The following FOXN3 variants were observed in gnomAD, a reference collection of about 807,000 sequenced individuals.
FOXN3 encodes forkhead box protein N3.
FOXN3 carries 7 observed loss-of-function variants against 38.4 expected under a neutral mutation model. That is an observed-to-expected ratio of 0.18 (90% CI 0.10 to 0.34). FOXN3 has a LOEUF of 0.34. Among genes scored for constraint, FOXN3 ranks in the 10% least tolerant of loss-of-function variants. The probability of loss-of-function intolerance (pLI) is 1.00; values close to 1 mark genes in which losing one functional copy is unlikely to be tolerated. For missense variants in FOXN3, 456 were observed against 613.4 expected, an observed-to-expected ratio of 0.74 and a Z score of 2.71; for synonymous variants, 230 against 242.2, an observed-to-expected ratio of 0.95 and a Z score of 0.47.
At chr14:89,498,210 CTTTTTTTTT>C (rs547081117) in intron 1 of FOXN3, among the ~76,000 whole-genome samples, 3 of 81,060 alleles carry the variant, frequency 3.7e-5, no homozygotes, top group Admixed American at 1.6e-4. Context: ...CTCTCTCTCT[CTTTTTTTTT>C]TTTTTTTTTT....
chr14:89,580,575 C>A (rs1436339128), intron 1 of FOXN3, among the ~76,000 whole-genome samples: 1 of 152,176 alleles, frequency 6.6e-6, no homozygotes. Flanking sequence ...GGTCCCCCAC[C>A]TCTGCCCAAC....
At chr14:89,216,183 G>A (rs896562039) in intron 4 of FOXN3, among the ~76,000 whole-genome samples, 5 of 152,158 alleles carry the variant, frequency 3.3e-5, no homozygotes, top group African/African-American at 1.2e-4. Context: ...ACAGGTGTAG[G>A]GTAGGGGCTG....
At chr14:89,257,215 C>T (rs1243853787) in intron 4 of FOXN3, among the ~76,000 whole-genome samples, 1 of 152,196 alleles carries the variant, frequency 6.6e-6, no homozygotes, top group African/African-American at 2.4e-5. Flanking sequence ...AGTCCCACCA[C>T]CTTCCATGAG....
intron 1 of FOXN3, among the ~76,000 whole-genome samples, chr14:89,607,423 G>A (rs1182552421): frequency 1.3e-5 from 2 of 152,132 alleles, no homozygotes; most frequent in African/African-American, 4.8e-5. Flanking sequence ...GCCGGGCATG[G>A]TGGTACATGC....
intron 1 of FOXN3, among the ~76,000 whole-genome samples, chr14:89,497,404 C>CT (rs71107518): frequency 9.2e-5 from 8 of 86,854 alleles, no homozygotes; most frequent in South Asian, 7.7e-4. Context: ...GTATAAATAT[C>CT]TTTTTTTTTT....
chr14:89,447,898 A>C (rs547537533), intron 1 of FOXN3, among the ~76,000 whole-genome samples: 1 of 133,282 alleles, frequency 7.5e-6, no homozygotes, highest in Non-Finnish European at 1.5e-5. Flanking sequence ...GCTCACTGCA[A>C]CCTCCGCCTC....
intron 4 of FOXN3, among the ~76,000 whole-genome samples, chr14:89,277,205 TAAAG>T (rs1185733796): frequency 6.6e-6 from 1 of 152,138 alleles, no homozygotes. Flanking sequence ...ACGAATAAAA[TAAAG>T]AACACGTTTC....
Position 89,265,118 on chromosome 14 carries a change from A to G in FOXN3, c.745+15832T>C, listed in dbSNP as rs551167995. On this transcript the variant is annotated intron_variant, in intron 4 of 5. Coordinates refer to ENST00000557258, the MANE Select transcript of FOXN3 (RefSeq NM_005197.4). Reference sequence around the variant, plus strand: ...CTTCATGATCTTATTTAGAAATTGTATTATGAAAGCTCCTGTAGCTCCTGT... The same window carrying G: ...CTTCATGATCTTATTTAGAAATTGTGTTATGAAAGCTCCTGTAGCTCCTGT... Among the ~76,000 whole-genome samples, 24 of 152,332 alleles carry G rather than the reference A, an allele frequency of 1.6e-4. No homozygotes were observed. In the South Asian group the frequency reaches 1.9e-3, roughly 12 times the overall value.
rs750647040 is a variant in FOXN3, at chr14:89,162,756, G to A, written c.1065C>T (p.Ser355=). Residue 355 remains serine, a synonymous_variant, in exon 6 of 6, where the codon AGC becomes AGT. Coordinates refer to ENST00000557258, the MANE Select transcript of FOXN3 (RefSeq NM_005197.4). The surrounding 1 kb of genome is among the most constrained non-coding windows in gnomAD (Gnocchi z 7.2). ...EFATKGSQEG[S]EGSEGSFRSH... Reference sequence around the variant, plus strand: ...TCCGGAAGCTCCCCTCGCTGCCCTCGCTGCCCTCCTGGCTCCCCTTGGTGG... The same window carrying A: ...TCCGGAAGCTCCCCTCGCTGCCCTCACTGCCCTCCTGGCTCCCCTTGGTGG... The A allele has an allele frequency of 8.7e-6, 14 of 1,612,086 alleles. No individual in the cohort carries two copies. The highest frequency in any genetic ancestry group is 1.7e-4 in the Middle Eastern group (1 of 6,056).
intron 3 of FOXN3, among the ~76,000 whole-genome samples, chr14:89,325,115 C>A (rs540460926): frequency 2.6e-5 from 4 of 152,274 alleles, no homozygotes; most frequent in South Asian, 2.1e-4. Context: ...GACTACACAG[C>A]GGACAGCATA....
intron 1 of FOXN3, among the ~76,000 whole-genome samples, chr14:89,470,346 G>T (rs1596287339): frequency 6.7e-6 from 1 of 149,076 alleles, no homozygotes; most frequent in Non-Finnish European, 1.5e-5. Context: ...TTATCTCACT[G>T]CCACCACCAT....
chr14:89,532,788 T>A (rs1894596571), intron 1 of FOXN3, among the ~76,000 whole-genome samples: 1 of 152,126 alleles, frequency 6.6e-6, no homozygotes, highest in African/African-American at 2.4e-5. Context: ...TTACATAGAT[T>A]TAAAAACAAA....
At chr14:89,235,595 T>C (rs1884954977) in intron 4 of FOXN3, among the ~76,000 whole-genome samples, 1 of 152,188 alleles carries the variant, frequency 6.6e-6, no homozygotes, top group South Asian at 2.1e-4. Flanking sequence ...TGTGACTATG[T>C]TAGATTTCAT....
intron 3 of FOXN3, among the ~76,000 whole-genome samples, chr14:89,285,245 G>C (rs1335796960): frequency 6.6e-6 from 1 of 152,214 alleles, no homozygotes; most frequent in South Asian, 2.1e-4. Context: ...AGTGGGCCAG[G>C]CATCGTGGCT....
At chr14:89,514,601 G>C (rs1335133883) in intron 1 of FOXN3, among the ~76,000 whole-genome samples, 1 of 152,224 alleles carries the variant, frequency 6.6e-6, no homozygotes, top group African/African-American at 2.4e-5. Flanking sequence ...TCAAGGTCAT[G>C]CACATTATTA....
At chr14:89,175,720 A>G (rs1375065084) in intron 5 of FOXN3, among the ~76,000 whole-genome samples, 1 of 152,176 alleles carries the variant, frequency 6.6e-6, no homozygotes, top group Non-Finnish European at 1.5e-5. Context: ...GTTGCTACAG[A>G]ACAGGCCTTC....
At chr14:89,543,910 G>C (rs941043537) in intron 1 of FOXN3, among the ~76,000 whole-genome samples, 1 of 151,846 alleles carries the variant, frequency 6.6e-6, no homozygotes, top group African/African-American at 2.4e-5. Context: ...CAATGGGGGT[G>C]GGGGGGAAGT....
chr14:89,314,151 T>TA (rs1887656671), intron 3 of FOXN3, among the ~76,000 whole-genome samples: 1 of 152,236 alleles, frequency 6.6e-6, no homozygotes, highest in South Asian at 2.1e-4. Flanking sequence ...AAGAAAATTT[T>TA]AAAAATTTTT....
intron 3 of FOXN3, among the ~76,000 whole-genome samples, chr14:89,332,285 T>A (rs1332655331): frequency 6.6e-6 from 1 of 152,194 alleles, no homozygotes; most frequent in Admixed American, 6.5e-5. Context: ...TATCCAGCTC[T>A]CCAGGGTCAG....
Sources: allele counts gnomAD v4.1 joint callset (sites outside exome capture counted in the v4.1 genomes callset), GRCh38; gene constraint gnomAD v4.1.1; non-coding constraint Gnocchi (gnomAD v3.1); transcripts MANE v1.5; gene names NCBI Gene and HGNC (gene_info 2026-07-23, HGNC 2026-07-21).